The following DNAH8 variants were observed in gnomAD, a reference collection of about 807,000 sequenced individuals.
DNAH8 encodes dynein axonemal heavy chain 8, also known as axonemal beta dynein heavy chain 8.
Under a neutral mutation model 562.1 loss-of-function variants are expected in DNAH8, and 382 were observed. That is an observed-to-expected ratio of 0.68 (90% CI 0.63 to 0.74). DNAH8 has a LOEUF of 0.74. DNAH8 is among the 30% of genes least tolerant of loss of function. The pLI is 0.00. For synonymous variants in DNAH8, 1,881 were observed against 1,919.4 expected (o/e 0.98, Z 0.52); for missense variants, 5,203 against 5,620.4 (o/e 0.93, Z 2.37).
At chr6:38,915,685 C>T (rs1781258540) in intron 68 of DNAH8, among the ~76,000 whole-genome samples, 1 of 152,084 alleles carries the variant, frequency 6.6e-6, no homozygotes, top group Admixed American at 6.5e-5. Context: ...CTCCAGCATC[C>T]CTTCCAGATT....
chr6:38,742,991 A>C (rs1764637207), intron 8 of DNAH8, among the ~76,000 whole-genome samples: 1 of 125,772 alleles, frequency 8.0e-6, no homozygotes, highest in Non-Finnish European at 1.9e-5. Context: ...TTTTCCAAAA[A>C]AATGTTGTTG....
intron 25 of DNAH8, 93 bp downstream of exon 25, chr6:38,814,222 A>C (rs906892966): frequency 1.3e-6 from 1 of 750,470 alleles, no homozygotes; most frequent in Admixed American, 2.7e-5. Flanking sequence ...TTTTGGTCCT[A>C]TGTCTTTTTT....
intron 72 of DNAH8, 185 bp downstream of exon 72, chr6:38,923,370 C>A: frequency 1.4e-6 from 1 of 695,194 alleles, no homozygotes; most frequent in Non-Finnish European, 2.2e-6. Context: ...TACATCTCAG[C>A]TGTGGTTCAG....
chr6:38,907,603 T>C (rs1172369558), intron 63 of DNAH8, among the ~76,000 whole-genome samples: 1 of 152,224 alleles, frequency 6.6e-6, no homozygotes, highest in African/African-American at 2.4e-5. Context: ...AGATGCTTAA[T>C]GGTGCAAAAA....
chr6:38,921,336 GCTAATACA>G, intron 70 of DNAH8, 25 bp from the exon 71 acceptor site: 1 of 1,606,762 alleles, frequency 6.2e-7, no homozygotes, highest in East Asian at 2.2e-5. Flanking sequence ...GTTTCATGCA[GCTAATACA>G]CTAACCACGT....
intron 47 of DNAH8, among the ~76,000 whole-genome samples, chr6:38,867,315 G>C (rs540562359): frequency 1.3e-5 from 2 of 151,836 alleles, no homozygotes; most frequent in East Asian, 1.9e-4. Context: ...GTTCCCTCAT[G>C]CTACTTTATA....
At chr6:39,006,298 G>A (rs1765796103) in intron 88 of DNAH8, among the ~76,000 whole-genome samples, 2 of 152,128 alleles carry the variant, frequency 1.3e-5, no homozygotes, top group Non-Finnish European at 2.9e-5. Flanking sequence ...TTAAGTTTTA[G>A]TTATGTTTTA....
Position 38,807,752 on chromosome 6 carries a change from A to G in DNAH8, c.3257+36A>G, listed in dbSNP as rs115925810. ...AATATGCTAATTATGTCTGGTAATC[A>G]TACTTATAATGTGAATAGCACCTCT... On this transcript the variant is annotated intron_variant, in intron 24 of 92. Coordinates refer to ENST00000327475, the MANE Select transcript of DNAH8 (RefSeq NM_001206927.2). 1,194 of 1,215,760 alleles carry G rather than the reference A, an allele frequency of 9.8e-4. 14 individuals carry two copies. In the African/African-American group the frequency reaches 0.017, roughly 17 times the overall value. 75.3% of individuals were successfully genotyped at this position (1,215,760 alleles called of 1,614,324 possible).
At chr6:38,982,898 T>C (rs1049280155) in intron 86 of DNAH8, among the ~76,000 whole-genome samples, 1 of 152,250 alleles carries the variant, frequency 6.6e-6, no homozygotes, top group Non-Finnish European at 1.5e-5. Context: ...TGGTCATTCA[T>C]CATCATATGA....
intron 70 of DNAH8, among the ~76,000 whole-genome samples, chr6:38,919,816 T>C (rs1781566695): frequency 6.6e-6 from 1 of 152,184 alleles, no homozygotes; most frequent in East Asian, 1.9e-4. Context: ...AAATGGTACA[T>C]TCTTAGCCCT....
At chr6:38,837,007 G>A (rs1774358776) in intron 32 of DNAH8, among the ~76,000 whole-genome samples, 1 of 152,016 alleles carries the variant, frequency 6.6e-6, no homozygotes, top group Non-Finnish European at 1.5e-5. Context: ...CTTCCTTAGT[G>A]TTCACATAGT....
intron 15 of DNAH8, among the ~76,000 whole-genome samples, chr6:38,780,571 T>A (rs1466977891): frequency 6.6e-6 from 1 of 152,164 alleles, no homozygotes; most frequent in Non-Finnish European, 1.5e-5. Context: ...GCTATTATCC[T>A]AAGCCAACTA....
At chr6:39,002,028 A>T (rs1460338926) in intron 88 of DNAH8, among the ~76,000 whole-genome samples, 1 of 152,306 alleles carries the variant, frequency 6.6e-6, no homozygotes, top group Middle Eastern at 3.4e-3. Context: ...GCAGACATTG[A>T]TGTCACTAAA....
At chr6:39,013,991 G>C (rs1766403235) in intron 91 of DNAH8, among the ~76,000 whole-genome samples, 4 of 152,038 alleles carry the variant, frequency 2.6e-5, no homozygotes, top group African/African-American at 9.7e-5. Context: ...TGATATTGCT[G>C]TATACTGATG....
intron 24 of DNAH8, among the ~76,000 whole-genome samples, chr6:38,811,398 G>A (rs549521386): frequency 4.6e-5 from 7 of 152,188 alleles, no homozygotes; most frequent in Admixed American, 6.5e-5. Flanking sequence ...TTCTCTTCTC[G>A]TTGTCTCCTA....
chr6:38,943,118 C>T (rs1414454835), intron 79 of DNAH8, among the ~76,000 whole-genome samples: 2 of 152,114 alleles, frequency 1.3e-5, no homozygotes, highest in South Asian at 4.2e-4. Flanking sequence ...ATTTAGTTGG[C>T]AATAGGGAGC....
chr6:38,853,794 A>G (rs540377796), intron 41 of DNAH8, among the ~76,000 whole-genome samples: 4 of 152,300 alleles, frequency 2.6e-5, no homozygotes, highest in African/African-American at 9.6e-5. Context: ...GAACACTTAC[A>G]TTAGCCTACA....
intron 76 of DNAH8, 32 bp from the exon 77 acceptor site, chr6:38,935,560 T>C: frequency 1.4e-6 from 2 of 1,475,304 alleles, no homozygotes; most frequent in Non-Finnish European, 1.9e-6. Context: ...GTAATTATAG[T>C]TCCAATGTTA....
rs374116164 is a variant in DNAH8 at position 38,715,619 on chromosome 6, T to C, written c.-35+204T>C. Among the ~76,000 whole-genome samples the C allele has an allele frequency of 3.2e-3, 485 of 152,236 alleles. 5 individuals carry two copies. The highest frequency in any genetic ancestry group is 0.011 in the African/African-American group (468 of 41,520). ...CACTACCCTTTGTCAGTCTCTACAC[T>C]GGACATCTAAGTGACTTCACACCCA... On this transcript the variant is annotated intron_variant, in intron 1 of 92. Transcript: ENST00000327475.
Sources: gnomAD v4.1 joint callset for allele counts (sites outside exome capture counted in the v4.1 genomes callset) on GRCh38, gnomAD v4.1.1 for gene constraint, MANE v1.5 for transcripts, NCBI Gene and HGNC (gene_info 2026-07-23, HGNC 2026-07-21) for gene names.